Variants in TENT2 observed in about 807,000 individuals in gnomAD.
The protein encoded by TENT2 is poly(A) RNA polymerase GLD2.
Under a neutral mutation model 72.2 loss-of-function variants are expected in TENT2, and 44 were observed. That is an observed-to-expected ratio of 0.61 (90% CI 0.48 to 0.78). The LOEUF is 0.78. Among genes scored for constraint, TENT2 ranks in the 30% least tolerant of loss-of-function variants. TENT2 has a pLI of 0.00. For synonymous variants in TENT2, 212 were observed against 192.5 expected, an observed-to-expected ratio of 1.10 and a Z score of -0.84; for missense variants, 541 against 569.6, an observed-to-expected ratio of 0.95 and a Z score of 0.51.
intron 14 of TENT2, 95 bp downstream of exon 14, chr5:79,682,156 C>A: frequency 1.3e-6 from 1 of 766,598 alleles, no homozygotes; most frequent in Non-Finnish European, 2.1e-6. Flanking sequence ...AATGGTTTCT[C>A]TTCTGTGAAT....
intron 4 of TENT2, among the ~76,000 whole-genome samples, chr5:79,637,201 A>G (rs1198176714): frequency 6.6e-6 from 1 of 151,388 alleles, no homozygotes; most frequent in Non-Finnish European, 1.5e-5. Context: ...ATTGCACTCT[A>G]GTCTGGGAAC....
chr5:79,659,309 T>C (rs950752603), intron 11 of TENT2, among the ~76,000 whole-genome samples: 4 of 150,988 alleles, frequency 2.6e-5, no homozygotes, highest in Admixed American at 6.6e-5. Flanking sequence ...CTAAGGTGGG[T>C]GGATCACGAG....
chr5:79,655,169 G>A (rs1797021096), intron 10 of TENT2, among the ~76,000 whole-genome samples: 1 of 152,080 alleles, frequency 6.6e-6, no homozygotes. Flanking sequence ...AACTCATTGA[G>A]ACTAATATCA....
At chr5:79,648,969 G>A in intron 9 of TENT2, 93 bp from the exon 10 acceptor site, 1 of 1,355,252 alleles carries the variant, frequency 7.4e-7, no homozygotes. Context: ...CGGAGACAGT[G>A]TTCTTTGTTT....
chr5:79,620,064 C>A lies in TENT2; in HGVS notation c.208C>A (p.Pro70Thr). The change falls in exon 3 of 15, where the codon CCA (proline) becomes ACA (threonine). Residue 70 changes from proline to threonine, a missense_variant. Physicochemically the swap from Pro to Thr is conservative, Grantham distance 38 (BLOSUM62 -1). Coordinates refer to ENST00000453514, the MANE Select transcript of TENT2 (RefSeq NM_001114394.3). Reference protein sequence around the residue: ...NVSPIQTSASPLFRGRKRLSD... With the variant: ...NVSPIQTSASTLFRGRKRLSD... Reference sequence around the variant, plus strand: ...CAGTCCAATACAGACCTCAGCTTCCCCATTATTTCGAGGAAGGAAGTAAGT... The same window carrying A: ...CAGTCCAATACAGACCTCAGCTTCCACATTATTTCGAGGAAGGAAGTAAGT... The A allele has an allele frequency of 6.2e-7, 1 of 1,607,540 alleles. No homozygotes were observed. The highest frequency in any genetic ancestry group is 8.5e-7 in the Non-Finnish European group (1 of 1,175,128).
intron 11 of TENT2, among the ~76,000 whole-genome samples, chr5:79,668,366 C>G (rs1466098537): frequency 6.6e-6 from 1 of 151,948 alleles, no homozygotes; most frequent in Non-Finnish European, 1.5e-5. Context: ...ATCTAAGATA[C>G]AGAAACAAAA....
intron 13 of TENT2, among the ~76,000 whole-genome samples, chr5:79,680,645 G>A (rs1246136747): frequency 8.6e-5 from 13 of 151,990 alleles, no homozygotes; most frequent in Admixed American, 8.5e-4. Flanking sequence ...ACTTTTTCTA[G>A]GTCTTTCCCC....
chr5:79,659,553 A>AAAAAT (rs1554086793), intron 11 of TENT2, among the ~76,000 whole-genome samples: 1 of 26,856 alleles, frequency 3.7e-5, no homozygotes, highest in Non-Finnish European at 5.6e-5. Context: ...AAAAAAAAAA[A>AAAAAT]ATGTATATAT....
chr5:79,667,522 A>C (rs1328774122), intron 11 of TENT2, among the ~76,000 whole-genome samples: 1 of 152,142 alleles, frequency 6.6e-6, no homozygotes, highest in Non-Finnish European at 1.5e-5. Context: ...TAGACATTAA[A>C]ATTTCTACTT....
At chr5:79,617,458 ACT>A (rs1761177781) in intron 1 of TENT2, 3 of 151,972 alleles carry the variant, frequency 2.0e-5, no homozygotes, top group Admixed American at 2.0e-4. Context: ...AATTATTTCT[ACT>A]CTGTTAACAG....
chr5:79,649,534 T>A (rs889808533), intron 10 of TENT2, among the ~76,000 whole-genome samples: 1 of 152,146 alleles, frequency 6.6e-6, no homozygotes, highest in Non-Finnish European at 1.5e-5. Context: ...ATCATATTTT[T>A]AATTTTGAAT....
chr5:79,651,899 T>C (rs1794431513), intron 10 of TENT2, among the ~76,000 whole-genome samples: 2 of 152,238 alleles, frequency 1.3e-5, no homozygotes, highest in Non-Finnish European at 2.9e-5. Flanking sequence ...TTCTACATTC[T>C]TGACAGAATA....
chr5:79,619,962 T>C (rs1163529625), intron 2 of TENT2, 32 bp from the exon 3 acceptor site: 1 of 1,520,252 alleles, frequency 6.6e-7, no homozygotes, highest in African/African-American at 1.4e-5. Context: ...AAAATATGTA[T>C]AAATTACTGT....
intron 13 of TENT2, chr5:79,681,564 T>C (rs1821974849): frequency 6.5e-6 from 1 of 154,168 alleles, no homozygotes; most frequent in Non-Finnish European, 1.4e-5. Flanking sequence ...ACAAATCAGC[T>C]TTTAAGTTAA....
intron 1 of TENT2, among the ~76,000 whole-genome samples, chr5:79,614,765 T>G (rs762151975): frequency 3.3e-5 from 5 of 152,206 alleles, no homozygotes; most frequent in Non-Finnish European, 7.3e-5. Context: ...AGTAATAGTT[T>G]TACTGTATTT....
chr5:79,618,120 G>T (rs1455629856), intron 1 of TENT2, among the ~76,000 whole-genome samples: 1 of 151,972 alleles, frequency 6.6e-6, no homozygotes, highest in South Asian at 2.1e-4. Context: ...CCTCCTTCCT[G>T]CCCCTACCAC....
chr5:79,621,168 C>T (rs770263195), intron 3 of TENT2, among the ~76,000 whole-genome samples: 9 of 151,564 alleles, frequency 5.9e-5, no homozygotes, highest in Non-Finnish European at 1.0e-4. Flanking sequence ...TTATTTTAAG[C>T]CTTTACAACT....
chr5:79,645,353 G>A (rs1787953764), intron 8 of TENT2, among the ~76,000 whole-genome samples, 161 bp downstream of exon 8: 1 of 152,034 alleles, frequency 6.6e-6, no homozygotes, highest in African/African-American at 2.4e-5. Flanking sequence ...TTTTAAAATT[G>A]AGCAATACTT....
intron 6 of TENT2, 27 bp downstream of exon 6, chr5:79,641,223 T>A (rs1302137604): frequency 1.3e-6 from 2 of 1,506,496 alleles, no homozygotes; most frequent in Non-Finnish European, 1.8e-6. Context: ...TTATTCCAAG[T>A]GTGTTTCTCA....
Sources: allele counts gnomAD v4.1 joint callset (sites outside exome capture counted in the v4.1 genomes callset), GRCh38; gene constraint gnomAD v4.1.1; transcripts MANE v1.5; gene names NCBI Gene and HGNC (gene_info 2026-07-23, HGNC 2026-07-21).